Variants in SLC35F4 observed in about 807,000 individuals in gnomAD.
SLC35F4 encodes chromosome 14 open reading frame 36.
A neutral mutation model predicts 44.2 loss-of-function variants in SLC35F4; 24 were observed. The ratio of observed to expected loss-of-function variants is 0.54; its 90% CI spans 0.39 to 0.76. The LOEUF (loss-of-function observed/expected upper bound fraction) is 0.76, where lower values mean the gene tolerates loss of function less well. Among genes scored for constraint, SLC35F4 ranks in the 30% least tolerant of loss-of-function variants. The pLI, the probability that SLC35F4 is intolerant of heterozygous loss-of-function variation, is 0.00. For synonymous variants in SLC35F4, 238 were observed against 223.6 expected (o/e 1.06, Z -0.57); for missense variants, 562 against 586.1 (o/e 0.96, Z 0.42).
chr14:57,732,022 C>T (rs1241950625), intron 1 of SLC35F4, among the ~76,000 whole-genome samples: 1 of 152,138 alleles, frequency 6.6e-6, no homozygotes, highest in East Asian at 1.9e-4. Context: ...AAGCAATACA[C>T]ATAGTCTGGC....
intron 1 of SLC35F4, among the ~76,000 whole-genome samples, chr14:57,719,374 G>C (rs762383076): frequency 3.4e-4 from 51 of 152,178 alleles, no homozygotes; most frequent in Non-Finnish European, 7.1e-4. Context: ...TTGGTATTTT[G>C]ATAGAGATTG....
intron 1 of SLC35F4, chr14:57,799,450 C>A (rs931139684): frequency 2.6e-5 from 4 of 152,432 alleles, no homozygotes; most frequent in African/African-American, 9.7e-5. Flanking sequence ...GTGGCAGATC[C>A]GTCTGTACAT....
At chr14:57,606,929 G>A (rs2071197498) in intron 1 of SLC35F4, among the ~76,000 whole-genome samples, 2 of 152,206 alleles carry the variant, frequency 1.3e-5, no homozygotes, top group African/African-American at 4.8e-5. Flanking sequence ...ATAAGTTATG[G>A]ATGCCTACTG....
Position 57,582,640 on chromosome 14 carries a change from C to T in SLC35F4, c.588-1207G>A, listed in dbSNP as rs995778699. Among the ~76,000 whole-genome samples, 5 of 152,216 alleles carry T rather than the reference C, an allele frequency of 3.3e-5. No individual in the cohort carries two copies. In the South Asian group the frequency reaches 8.3e-4, roughly 25 times the overall value. ...GGAGAATTTTAATTTTTTTCCCACTCGATTGTTCATGAACATTCAAGTATT... is the reference window on the plus strand; with the variant it reads ...GGAGAATTTTAATTTTTTTCCCACTTGATTGTTCATGAACATTCAAGTATT... On this transcript the variant is annotated intron_variant, in intron 3 of 7. Transcript: ENST00000556826.
chr14:57,692,377 C>A (rs932962115), intron 1 of SLC35F4, among the ~76,000 whole-genome samples: 2 of 152,022 alleles, frequency 1.3e-5, no homozygotes, highest in African/African-American at 2.4e-5. Context: ...ATATTTATTT[C>A]TATAGCTAAT....
intron 1 of SLC35F4, among the ~76,000 whole-genome samples, chr14:57,816,874 A>G (rs967454502): frequency 3.9e-5 from 6 of 152,206 alleles, no homozygotes; most frequent in African/African-American, 1.4e-4. Context: ...CTACTTGATA[A>G]TAAACCTTTC....
chr14:57,778,786 C>A (rs538974751), intron 1 of SLC35F4, among the ~76,000 whole-genome samples: 1 of 151,458 alleles, frequency 6.6e-6, no homozygotes, highest in East Asian at 1.9e-4. Flanking sequence ...CAGACCACAG[C>A]GCAATAAAAA....
intron 1 of SLC35F4, among the ~76,000 whole-genome samples, chr14:57,601,229 A>G (rs2070808565): frequency 6.6e-6 from 1 of 151,940 alleles, no homozygotes; most frequent in South Asian, 2.1e-4. Flanking sequence ...TTATATGTAT[A>G]TTATCTGAAA....
chr14:57,582,692 A>T (rs996973331), intron 3 of SLC35F4, among the ~76,000 whole-genome samples: 4 of 152,214 alleles, frequency 2.6e-5, no homozygotes, highest in African/African-American at 7.2e-5. Flanking sequence ...TGCTCCAGGC[A>T]TTGTATTTTC....
chr14:57,842,580 G>A (rs553360086), intron 1 of SLC35F4, among the ~76,000 whole-genome samples: 13 of 152,160 alleles, frequency 8.5e-5, no homozygotes, highest in Admixed American at 7.2e-4. Flanking sequence ...GACATCCACT[G>A]CTTAACACAG....
Position 57,957,899 on chromosome 14 carries a change from T to A in SLC35F4, n.282+24014A>T, listed in dbSNP as rs7145358. Reference sequence around the variant, plus strand: ...ATCTATGTAATACACACACACACACTTACGTATATATTTCCCCTAGGAACA... The same window carrying A: ...ATCTATGTAATACACACACACACACATACGTATATATTTCCCCTAGGAACA... On this transcript the variant is annotated intron_variant and non_coding_transcript_variant, in intron 1 of 1. Coordinates refer to the SLC35F4 transcript ENST00000556568. 3.0e-3 allele frequency among the ~76,000 whole-genome samples: 447 copies of A among 151,262 alleles called. 2 individuals are homozygous for A. Among genetic ancestry groups the A allele is most frequent in the African/African-American group, 0.01 (426 of 41,424 alleles).
chr14:57,654,740 A>G (rs538129262), intron 1 of SLC35F4, among the ~76,000 whole-genome samples: 1 of 152,194 alleles, frequency 6.6e-6, no homozygotes, highest in Non-Finnish European at 1.5e-5. Context: ...TACCACATCC[A>G]TGAGCATGGC....
intron 1 of SLC35F4, among the ~76,000 whole-genome samples, chr14:57,667,385 C>G (rs976931411): frequency 1.0e-5 from 1 of 99,740 alleles, no homozygotes; most frequent in Non-Finnish European, 2.0e-5. Context: ...ATGTGCACAA[C>G]GTGCAGGTTA....
Position 57,589,184 on chromosome 14 carries a change from A to C in SLC35F4, c.587+32T>G, listed in dbSNP as rs746819779. 7.1e-6 allele frequency: 11 copies of C among 1,548,454 alleles called. No individual in the cohort carries two copies. In the Admixed American group the frequency reaches 2.2e-4, roughly 31 times the overall value. ...CATATTTTCATAAAACATTTCAATG[A>C]TCTCTTATTGGGCAGTTAACATGAA... On this transcript the variant is annotated intron_variant, in intron 3 of 7. Transcript: ENST00000556826.
chr14:57,843,567 A>C (rs1885701442), intron 1 of SLC35F4, among the ~76,000 whole-genome samples: 1 of 152,156 alleles, frequency 6.6e-6, no homozygotes, highest in African/African-American at 2.4e-5. Flanking sequence ...GTGAGGAACA[A>C]AAAGATAATC....
chr14:57,722,777 T>C (rs1016229519), intron 1 of SLC35F4, among the ~76,000 whole-genome samples: 2 of 152,196 alleles, frequency 1.3e-5, no homozygotes, highest in Non-Finnish European at 2.9e-5. Flanking sequence ...CCTTAATTTA[T>C]ATAAGCAGAA....
rs2073582811 is a variant in SLC35F4, at chr14:57,647,431, A to C, written c.104-53307T>G. Among the ~76,000 whole-genome samples the C allele has an allele frequency of 2.0e-5, 3 of 151,848 alleles. 1 individual carries two copies. In the South Asian group the frequency reaches 6.2e-4, roughly 32 times the overall value. ...TTGGTTTGAAGTCTAACAACCTTCA[A>C]AATAAAAATTTGTTTTAGAGCTAAT... On this transcript the variant is annotated intron_variant, in intron 1 of 7. Coordinates refer to ENST00000556826, the MANE Select transcript of SLC35F4 (RefSeq NM_001306087.2).
At chr14:57,845,176 T>C (rs558696528) in intron 1 of SLC35F4, among the ~76,000 whole-genome samples, 56 of 152,270 alleles carry the variant, frequency 3.7e-4, no homozygotes, top group African/African-American at 1.3e-3. Context: ...AACTGAGCCA[T>C]GGGAGGATCT....
intron 1 of SLC35F4, among the ~76,000 whole-genome samples, chr14:57,978,776 C>T (rs906730403): frequency 1.8e-4 from 28 of 152,232 alleles, no homozygotes; most frequent in African/African-American, 6.3e-4. Context: ...CCAAAATATA[C>T]ATCCTGATCC....
Sources: allele counts gnomAD v4.1 joint callset (sites outside exome capture counted in the v4.1 genomes callset), GRCh38; gene constraint gnomAD v4.1.1; transcripts MANE v1.5; gene names NCBI Gene and HGNC (gene_info 2026-07-23, HGNC 2026-07-21).